FARP1: variants seen among roughly 807,000 people sequenced by gnomAD.
FARP1 encodes the protein FERM, ARH/RhoGEF and pleckstrin domain protein 1.
Under a neutral mutation model 128.8 loss-of-function variants are expected in FARP1, and 52 were observed. That is an observed-to-expected ratio of 0.40 (90% CI 0.32 to 0.51). The LOEUF is 0.51. Among genes scored for constraint, FARP1 ranks in the 20% least tolerant of loss-of-function variants. The probability of loss-of-function intolerance (pLI) is 0.45; values close to 1 mark genes in which losing one functional copy is unlikely to be tolerated. For missense variants in FARP1, 1,333 were observed against 1,367.9 expected (o/e 0.97, Z 0.40); for synonymous variants, 580 against 551.8 (o/e 1.05, Z -0.72).
chr13:98,357,207 AT>A, intron 3 of FARP1, among the ~76,000 whole-genome samples: 1 of 152,060 alleles, frequency 6.6e-6, no homozygotes, highest in South Asian at 2.1e-4. Context: ...GTGATTATTG[AT>A]ATAGTTTAAA....
Position 98,393,733 on chromosome 13 carries a change from T to C in FARP1, c.1164+15T>C. On this transcript the variant is annotated intron_variant, in intron 12 of 26. Coordinates refer to ENST00000319562, the MANE Select transcript of FARP1 (RefSeq NM_005766.4). ...TGCTGGAGCAGGTCAGTGATGGCGC[T>C]GTCCTATGATAACTCTGCTTTTCCC... 1 of 1,602,268 alleles carries C rather than the reference T, an allele frequency of 6.2e-7. No individual in the cohort carries two copies. Among genetic ancestry groups the C allele is most frequent in the Non-Finnish European group, 8.6e-7 (1 of 1,169,492 alleles).
chr13:98,198,651 C>T (rs571581354), intron 1 of FARP1, among the ~76,000 whole-genome samples: 14 of 151,924 alleles, frequency 9.2e-5, no homozygotes, highest in South Asian at 2.1e-4. Flanking sequence ...CTGAGGAGGG[C>T]GGATCACTTA....
At chr13:98,408,421 G>C (rs951943427) in intron 13 of FARP1, among the ~76,000 whole-genome samples, 3 of 143,422 alleles carry the variant, frequency 2.1e-5, no homozygotes, top group Non-Finnish European at 3.0e-5. Context: ...TTACCTACCT[G>C]GTTCAAGCAA....
chr13:98,430,251 C>CA (rs1566313346), intron 17 of FARP1, among the ~76,000 whole-genome samples: 1 of 152,072 alleles, frequency 6.6e-6, no homozygotes, highest in African/African-American at 2.4e-5. Flanking sequence ...GACCCTGTCA[C>CA]AAAAAATAAA....
chr13:98,177,084 G>T, intron 1 of FARP1: 1 of 1,598,440 alleles, frequency 6.3e-7, no homozygotes, highest in South Asian at 1.1e-5. Flanking sequence ...TGTCGCCCTC[G>T]TCCCCGCTGC....
At chr13:98,379,904 C>T (rs1190679075) in intron 6 of FARP1, among the ~76,000 whole-genome samples, 2 of 152,138 alleles carry the variant, frequency 1.3e-5, no homozygotes, top group Non-Finnish European at 2.9e-5. Context: ...GCTGTATACC[C>T]AGTACATGCT....
chr13:98,251,773 G>A (rs1163086745), intron 2 of FARP1, among the ~76,000 whole-genome samples: 5 of 152,010 alleles, frequency 3.3e-5, no homozygotes, highest in East Asian at 3.9e-4. Context: ...TTGGCATCAC[G>A]CAATTTGATA....
chr13:98,396,798 G>A (rs1252792479), intron 13 of FARP1: 6 of 262,140 alleles, frequency 2.3e-5, no homozygotes, highest in African/African-American at 2.2e-5. Context: ...TTATGAATCC[G>A]ATCATGTGTA....
Position 98,431,046 on chromosome 13 carries a change from C to A in FARP1, c.1909C>A (p.Leu637Met). 1.2e-6 allele frequency: 2 copies of A among 1,611,812 alleles called. No homozygotes were observed. The highest frequency in any genetic ancestry group is 8.5e-7 in the Non-Finnish European group (1 of 1,178,262). The change falls in exon 18 of 27, where the codon CTG becomes ATG. Residue 637 changes from leucine (L) to methionine (M), a missense_variant. Leu to Met is a conservative substitution (Grantham distance 15, BLOSUM62 2). Transcript: ENST00000319562. ...MLKNIQGMKH[L>M]AAHLWKHSEA... Reference sequence around the variant, plus strand: ...TCCTCCTCTGTTGCCTCCCAAGCACCTGGCGGCTCACCTGTGGAAGCACAG... The same window carrying A: ...TCCTCCTCTGTTGCCTCCCAAGCACATGGCGGCTCACCTGTGGAAGCACAG...
intron 20 of FARP1, 24 bp from the exon 21 acceptor site, chr13:98,439,083 T>C: frequency 6.3e-7 from 1 of 1,599,756 alleles, no homozygotes. Context: ...TGGTCTCACC[T>C]CCACACACTT....
intron 16 of FARP1, among the ~76,000 whole-genome samples, chr13:98,417,634 G>C (rs1302805572): frequency 3.9e-5 from 6 of 152,086 alleles, no homozygotes; most frequent in Non-Finnish European, 7.4e-5. Context: ...ATGTGAGAAG[G>C]GTGTCCTGAG....
chr13:98,404,430 G>A (rs1342312477), intron 13 of FARP1: 7 of 152,092 alleles, frequency 4.6e-5, no homozygotes, highest in Non-Finnish European at 7.3e-5. Context: ...GATATCAGAC[G>A]CTAGTGAGTC....
chr13:98,439,267 C>A, intron 21 of FARP1, 71 bp downstream of exon 21: 2 of 1,035,532 alleles, frequency 1.9e-6, no homozygotes, highest in Non-Finnish European at 2.9e-6. Context: ...GCTGACCCGG[C>A]GATGAGGAGG....
chr13:98,243,868 A>T (rs1882917907), intron 2 of FARP1, among the ~76,000 whole-genome samples: 1 of 152,032 alleles, frequency 6.6e-6, no homozygotes, highest in African/African-American at 2.4e-5. Flanking sequence ...GGAGTATTAA[A>T]TTTTTACTCC....
chr13:98,360,528 G>C (rs1490423424), intron 3 of FARP1, among the ~76,000 whole-genome samples: 2 of 152,212 alleles, frequency 1.3e-5, no homozygotes, highest in Non-Finnish European at 2.9e-5. Flanking sequence ...CGAGGTGGCA[G>C]CTGTCCAGAA....
rs769307983 is a variant in FARP1 at position 98,440,180 on chromosome 13, G to A, written c.2574G>A (p.Ala858=). ...VEDIQMAIDL[A]EKSSSPAPEF... The stretch of plus-strand genomic sequence containing the variant: ...ACATCCAGATGGCCATTGACCTGGC[G>A]GAGAAGAGCAGCAGCCCCGCCCCTG... The change falls in exon 23 of 27, where the codon GCG becomes GCA. Residue 858 remains alanine (A), a synonymous_variant. Coordinates refer to ENST00000319562, the MANE Select transcript of FARP1 (RefSeq NM_005766.4). 38 of 1,614,072 alleles carry A rather than the reference G, an allele frequency of 2.4e-5. 1 individual carries two copies. The highest frequency in any genetic ancestry group is 9.9e-5 in the South Asian group (9 of 91,084).
chr13:98,191,135 G>A (rs560330462), intron 1 of FARP1, among the ~76,000 whole-genome samples: 12 of 152,142 alleles, frequency 7.9e-5, no homozygotes, highest in African/African-American at 2.9e-4. Context: ...CCCAGCTGTC[G>A]TGGTGACCTC....
chr13:98,344,821 C>T (rs1888113014), intron 3 of FARP1, among the ~76,000 whole-genome samples: 1 of 152,176 alleles, frequency 6.6e-6, no homozygotes, highest in South Asian at 2.1e-4. Context: ...ATTCCCACCT[C>T]CAAACACTCT....
chr13:98,274,600 A>T (rs948353867), intron 2 of FARP1, among the ~76,000 whole-genome samples: 1 of 152,222 alleles, frequency 6.6e-6, no homozygotes, highest in African/African-American at 2.4e-5. Flanking sequence ...TGAGATAAAC[A>T]GCAGCCTTTT....
Sources: gnomAD v4.1 joint callset for allele counts (sites outside exome capture counted in the v4.1 genomes callset) on GRCh38, gnomAD v4.1.1 for gene constraint, MANE v1.5 for transcripts, NCBI Gene and HGNC (gene_info 2026-07-23, HGNC 2026-07-21) for gene names.